Variants in TMEM260 observed in about 807,000 individuals in gnomAD.
The protein encoded by TMEM260 is transmembrane protein 260.
In TMEM260, 82 loss-of-function variants were observed where a neutral mutation model predicts 88.9. That is an observed-to-expected ratio of 0.92 (90% confidence interval 0.77 to 1.11). The LOEUF (loss-of-function observed/expected upper bound fraction) is 1.11. Among genes scored for constraint, TMEM260 ranks in the 50% least tolerant of loss-of-function variants. The probability of loss-of-function intolerance (pLI) is 0.00; values close to 1 mark genes in which losing one functional copy is unlikely to be tolerated. For missense variants in TMEM260, 902 were observed against 853.4 expected (o/e 1.06, Z -0.71); for synonymous variants, 314 against 309.3 (o/e 1.02, Z -0.16).
At chr14:56,606,440 T>C (rs529122698) in intron 5 of TMEM260, among the ~76,000 whole-genome samples, 16 of 152,148 alleles carry the variant, frequency 1.1e-4, no homozygotes, top group African/African-American at 3.9e-4. Flanking sequence ...AGAAAACATA[T>C]AAAACAAAAT....
intron 1 of TMEM260, among the ~76,000 whole-genome samples, chr14:56,584,651 G>A (rs768600513): frequency 3.9e-5 from 6 of 152,016 alleles, no homozygotes; most frequent in Non-Finnish European, 7.4e-5. Flanking sequence ...ATAGACTTTC[G>A]TGCTAATTTC....
intron 1 of TMEM260, among the ~76,000 whole-genome samples, chr14:56,583,993 T>C (rs1885315079): frequency 9.3e-5 from 1 of 10,786 alleles, no homozygotes; most frequent in Non-Finnish European, 2.9e-4. Flanking sequence ...CAGCCTTTTG[T>C]GTGTGTGTGT....
the TMEM260 span, among the ~76,000 whole-genome samples, chr14:56,661,825 A>G: frequency 6.6e-6 from 1 of 152,192 alleles, no homozygotes. Context: ...TACTTTACAA[A>G]TGGCCTTCTC....
At chr14:56,586,305 CTAATTA>C (rs1238155995) in intron 3 of TMEM260, among the ~76,000 whole-genome samples, 2 of 152,054 alleles carry the variant, frequency 1.3e-5, no homozygotes, top group East Asian at 1.9e-4. Context: ...GGGCTAATAC[CTAATTA>C]TATTGTATTC....
chr14:56,651,326 G>C (rs978003521), downstream of TMEM260, among the ~76,000 whole-genome samples: 2 of 148,562 alleles, frequency 1.3e-5, no homozygotes, highest in African/African-American at 4.9e-5. Flanking sequence ...GGTTTTTCAG[G>C]AAAAAAAAAA....
intron 15 of TMEM260, among the ~76,000 whole-genome samples, chr14:56,638,839 T>G (rs933728446): frequency 2.6e-5 from 4 of 152,154 alleles, no homozygotes; most frequent in Non-Finnish European, 5.9e-5. Flanking sequence ...TTGGATAATT[T>G]GAAGGTGTCC....
chr14:56,594,113 A>G (rs1886062265), intron 3 of TMEM260, among the ~76,000 whole-genome samples: 1 of 152,224 alleles, frequency 6.6e-6, no homozygotes, highest in South Asian at 2.1e-4. Context: ...AGATTAGATG[A>G]TTAAAATATG....
intron 15 of TMEM260, among the ~76,000 whole-genome samples, chr14:56,640,283 TCCTCTGAGACAAAA>T (rs1031628758): frequency 1.3e-5 from 2 of 152,060 alleles, no homozygotes; most frequent in Non-Finnish European, 2.9e-5. Flanking sequence ...AGCCGGGTAC[TCCTCTGAGACAAAA>T]CTTCCAGAGG....
chr14:56,649,847 ACTCT>A (rs772957905), downstream of TMEM260, among the ~76,000 whole-genome samples: 3 of 152,148 alleles, frequency 2.0e-5, no homozygotes, highest in Non-Finnish European at 2.9e-5. Context: ...ACTTTGGGCC[ACTCT>A]CTCTTTGAGA....
chr14:56,628,849 G>A (rs1053791819), intron 12 of TMEM260, among the ~76,000 whole-genome samples: 10 of 150,810 alleles, frequency 6.6e-5, no homozygotes, highest in Non-Finnish European at 1.0e-4. Flanking sequence ...ATGTTTAGAT[G>A]TATGTCTACT....
chr14:56,595,688 A>G (rs994686647), intron 3 of TMEM260, among the ~76,000 whole-genome samples: 2 of 152,014 alleles, frequency 1.3e-5, no homozygotes, highest in South Asian at 2.1e-4. Context: ...AAATCTCACT[A>G]TGTTGCCCAG....
At chr14:56,631,630 A>ACC (rs1555339981) in intron 12 of TMEM260, among the ~76,000 whole-genome samples, 1 of 60,960 alleles carries the variant, frequency 1.6e-5, no homozygotes, top group Non-Finnish European at 4.0e-5. Context: ...CTCAAAAAAA[A>ACC]AAAAAAAAGA....
At chr14:56,629,103 C>T (rs577064538) in intron 12 of TMEM260, among the ~76,000 whole-genome samples, 1 of 151,938 alleles carries the variant, frequency 6.6e-6, no homozygotes, top group Non-Finnish European at 1.5e-5. Flanking sequence ...ACCATGTTGG[C>T]CAGGCTGGTC....
At chr14:56,646,406 C>G (rs1259772606) in intron 15 of TMEM260, among the ~76,000 whole-genome samples, 2 of 152,190 alleles carry the variant, frequency 1.3e-5, no homozygotes, top group Non-Finnish European at 2.9e-5. Flanking sequence ...GTGAATACAG[C>G]TCTAACTTGA....
intron 6 of TMEM260, 98 bp downstream of exon 6, chr14:56,609,383 T>A: frequency 1.8e-6 from 2 of 1,132,666 alleles, no homozygotes; most frequent in Non-Finnish European, 2.5e-6. Context: ...TCAATGACAG[T>A]AGATCAAATG....
intron 7 of TMEM260, chr14:56,615,471 A>G (rs1245343438): frequency 6.6e-6 from 1 of 152,344 alleles, no homozygotes. Flanking sequence ...GAAAAAAATA[A>G]CCCACAAAAG....
intron 12 of TMEM260, among the ~76,000 whole-genome samples, chr14:56,632,322 G>A (rs1018061909): frequency 2.0e-5 from 3 of 152,148 alleles, no homozygotes; most frequent in Non-Finnish European, 4.4e-5. Context: ...AAGCAATGGA[G>A]ATTTGCCCCA....
chr14:56,621,421 CTAAA>C, intron 10 of TMEM260, 106 bp from the exon 11 acceptor site: 1 of 747,440 alleles, frequency 1.3e-6, no homozygotes, highest in Non-Finnish European at 2.1e-6. Context: ...TATTGAAACA[CTAAA>C]TGTTGATTGT....
At chr14:56,594,878 A>T (rs916696884) in intron 3 of TMEM260, among the ~76,000 whole-genome samples, 1 of 152,228 alleles carries the variant, frequency 6.6e-6, no homozygotes, top group Non-Finnish European at 1.5e-5. Flanking sequence ...TGCCAAAAAA[A>T]TTTTAAATAT....
Sources: gnomAD v4.1 joint callset for allele counts (sites outside exome capture counted in the v4.1 genomes callset) on GRCh38, gnomAD v4.1.1 for gene constraint, MANE v1.5 for transcripts, NCBI Gene and HGNC (gene_info 2026-07-23, HGNC 2026-07-21) for gene names.